The following RBMS3 variants were observed in gnomAD, a reference collection of about 807,000 sequenced individuals.
RBMS3 encodes RNA-binding motif, single-stranded-interacting protein 3.
Under a neutral mutation model 66.8 loss-of-function variants are expected in RBMS3, and 27 were observed. That is an observed-to-expected ratio of 0.40 (90% confidence interval 0.30 to 0.56). The LOEUF is 0.56. Ranked by LOEUF, RBMS3 falls within the 20% of genes least tolerant of loss-of-function variation. RBMS3 has a pLI of 0.40. For missense variants in RBMS3, 513 were observed against 549.5 expected (o/e 0.93, Z 0.66); for synonymous variants, 188 against 183.0 (o/e 1.03, Z -0.22).
Position 29,997,332 on chromosome 3 carries a change from C to T in RBMS3, c.1307+6123C>T, listed in dbSNP as rs971964235. 2.0e-5 allele frequency among the ~76,000 whole-genome samples: 3 copies of T among 151,098 alleles called. No homozygotes were observed. In the East Asian group the frequency reaches 5.8e-4, roughly 29 times the overall value. On this transcript the variant is annotated intron_variant, in intron 14 of 14. Transcript: ENST00000383767. The stretch of plus-strand genomic sequence containing the variant: ...ACATGGATTCACAGCCGAATTCTAC[C>T]AGAGGTACAAGGAGGAACTGGTACC...
rs1386408420 is a variant in RBMS3 at position 29,684,813 on chromosome 3, C to CACACACACAG, written c.400-54904_400-54903insCACACAGACA. Among the ~76,000 whole-genome samples, 339 of 144,982 alleles carry CACACACACAG rather than the reference C, an allele frequency of 2.3e-3. 2 individuals carry two copies. The highest frequency in any genetic ancestry group is 8.0e-3 in the African/African-American group (318 of 39,746). On this transcript the variant is annotated intron_variant, in intron 4 of 14. Coordinates refer to ENST00000383767, the MANE Select transcript of RBMS3 (RefSeq NM_001003793.3). ...ACACACACACACACACACACACACA[C>CACACACACAG]ACAGACACATACACTGAGCTAAAGA... is the stretch of plus-strand genomic sequence containing the variant.
intron 1 of RBMS3, among the ~76,000 whole-genome samples, chr3:29,373,630 G>A (rs999607995): frequency 2.0e-5 from 3 of 152,172 alleles, no homozygotes; most frequent in African/African-American, 7.2e-5. Flanking sequence ...GACTGGGAAA[G>A]AATGCTAACA....
At chr3:29,879,694 T>C (rs1288697236) in intron 7 of RBMS3, among the ~76,000 whole-genome samples, 2 of 152,156 alleles carry the variant, frequency 1.3e-5, no homozygotes, top group East Asian at 3.9e-4. Context: ...ATCAATGTTT[T>C]ATTTGTCCAG....
chr3:29,725,245 A>G (rs2053812110), intron 4 of RBMS3, among the ~76,000 whole-genome samples: 1 of 152,212 alleles, frequency 6.6e-6, no homozygotes, highest in African/African-American at 2.4e-5. Context: ...TCTAAGTAAA[A>G]TTATTTAACT....
At position 29,488,432 on chromosome 3, in the gene RBMS3, C is replaced by G. The variant is rs1296155279; in HGVS notation, c.249-9C>G. On this transcript the variant is annotated splice_polypyrimidine_tract_variant and intron_variant, in intron 2 of 14. Transcript: ENST00000383767. Reference sequence around the variant, plus strand: ...ATAACATGGGTTTTTTTCTCTCTCTCTCTTTCAGGTATGGAAAAATTGTAT... The same window carrying G: ...ATAACATGGGTTTTTTTCTCTCTCTGTCTTTCAGGTATGGAAAAATTGTAT... 2 of 1,598,340 alleles carry G rather than the reference C, an allele frequency of 1.3e-6. No individual in the cohort carries two copies. The highest frequency in any genetic ancestry group is 1.7e-5 in the Admixed American group (1 of 59,832).
chr3:29,440,259 T>G (rs2041567514), intron 2 of RBMS3, among the ~76,000 whole-genome samples: 1 of 152,220 alleles, frequency 6.6e-6, no homozygotes, highest in African/African-American at 2.4e-5. Context: ...CTAACCATTT[T>G]GTGGCTTATA....
At chr3:29,308,304 A>G (rs910722877) in intron 1 of RBMS3, among the ~76,000 whole-genome samples, 6 of 151,846 alleles carry the variant, frequency 4.0e-5, no homozygotes, top group Non-Finnish European at 7.4e-5. Context: ...TTCTAAATAC[A>G]TTTATTCAGC....
intron 3 of RBMS3, among the ~76,000 whole-genome samples, chr3:29,490,500 G>A (rs951546976): frequency 3.9e-5 from 6 of 152,124 alleles, no homozygotes; most frequent in African/African-American, 1.2e-4. Flanking sequence ...GCCTCTTGGT[G>A]AGGTAAGAAG....
At chr3:29,968,357 G>A (rs1041128545) in intron 12 of RBMS3, among the ~76,000 whole-genome samples, 1 of 152,068 alleles carries the variant, frequency 6.6e-6, no homozygotes, top group African/African-American at 2.4e-5. Flanking sequence ...AGTTCTGGCC[G>A]GGGGTTTCTC....
rs1443894867 is a variant in RBMS3, at chr3:30,005,067, C to A, written c.*1205C>A. On this transcript the variant is annotated 3_prime_UTR_variant, in exon 15 of 15. Transcript: ENST00000383767. ...AGATGAAGTGACACCCTATTACAGT[C>A]CAGAAGATAGAGGTTGTTTTCGTTT... The A allele has an allele frequency of 2.0e-5, 3 of 151,036 alleles. No individual in the cohort carries two copies. Among genetic ancestry groups the A allele is most frequent in the African/African-American group, 7.3e-5 (3 of 40,958 alleles). 9.4% of individuals were successfully genotyped at this position (151,036 alleles called of 1,614,324 possible).
intron 1 of RBMS3, among the ~76,000 whole-genome samples, chr3:29,331,809 T>G (rs950407710): frequency 7.0e-6 from 1 of 142,234 alleles, no homozygotes. Flanking sequence ...AAACCCAGGA[T>G]AGCTCCTTTT....
intron 6 of RBMS3, among the ~76,000 whole-genome samples, chr3:29,818,401 ATTAG>A: frequency 6.6e-6 from 1 of 150,412 alleles, no homozygotes; most frequent in South Asian, 2.1e-4. Flanking sequence ...TATTTTTTCT[ATTAG>A]TTCTCAATAA....
At position 30,004,948 on chromosome 3, in the gene RBMS3, A is replaced by C. The variant is rs890327600; in HGVS notation, c.*1086A>C. ...TCAAAAAGTGCAAAAAAAAAAACAA[A>C]AAAAAAGCAATAGATAGAGAAATTG... On this transcript the variant is annotated 3_prime_UTR_variant, in exon 15 of 15. Transcript: ENST00000383767. The C allele has an allele frequency of 6.6e-6, 1 of 151,738 alleles. No homozygotes were observed. The highest frequency in any genetic ancestry group is 2.4e-5 in the African/African-American group (1 of 41,302). The allele number at this position is 151,738 out of a possible 1,614,324, so 9.4% of individuals were successfully genotyped here.
At chr3:29,734,040 A>G (rs2054262542) in intron 4 of RBMS3, among the ~76,000 whole-genome samples, 1 of 152,132 alleles carries the variant, frequency 6.6e-6, no homozygotes, top group South Asian at 2.1e-4. Flanking sequence ...ACACACACAC[A>G]CAGTGGAATA....
intron 2 of RBMS3, among the ~76,000 whole-genome samples, chr3:29,466,740 A>G (rs2042557519): frequency 1.3e-5 from 2 of 152,212 alleles, no homozygotes; most frequent in Admixed American, 6.5e-5. Context: ...AGAGCTCAAC[A>G]CAATAACAAA....
intron 12 of RBMS3, among the ~76,000 whole-genome samples, chr3:29,961,976 A>AATATATATTAATATATATAAT (rs1696481905): frequency 7.1e-6 from 1 of 141,066 alleles, no homozygotes; most frequent in Non-Finnish European, 1.6e-5. Flanking sequence ...ATATATGTAT[A>AATATATATTAATATATATAAT]ATATATATTA....
intron 1 of RBMS3, among the ~76,000 whole-genome samples, chr3:29,286,887 G>T (rs1228775605): frequency 6.6e-6 from 1 of 152,066 alleles, no homozygotes; most frequent in Non-Finnish European, 1.5e-5. Flanking sequence ...ATTTTATTCA[G>T]AGTAAATGGT....
At chr3:29,294,892 CA>C (rs1156778840) in intron 1 of RBMS3, among the ~76,000 whole-genome samples, 1 of 151,590 alleles carries the variant, frequency 6.6e-6, no homozygotes, top group Non-Finnish European at 1.5e-5. Flanking sequence ...TATACCTATC[CA>C]AAGCAATACC....
At chr3:29,482,697 CTTTCTTTTT>C (rs1408088762) in intron 2 of RBMS3, among the ~76,000 whole-genome samples, 1,441 of 92,604 alleles carry the variant, frequency 0.016, 11 homozygotes, top group African/African-American at 0.064. Flanking sequence ...TTCTTTCTTT[CTTTCTTTTT>C]TTTTTTTTTT....
Sources: gnomAD v4.1 joint callset for allele counts (sites outside exome capture counted in the v4.1 genomes callset) on GRCh38, gnomAD v4.1.1 for gene constraint, MANE v1.5 for transcripts, NCBI Gene and HGNC (gene_info 2026-07-23, HGNC 2026-07-21) for gene names.